The following CELF2 variants were observed in gnomAD, a reference collection of about 807,000 sequenced individuals.
The protein encoded by CELF2 is CUGBP Elav-like family member 2.
In CELF2, 8 loss-of-function variants were observed where a neutral mutation model predicts 62.6. The observed-to-expected ratio is 0.13, with a 90% confidence interval of 0.07 to 0.23. The LOEUF (loss-of-function observed/expected upper bound fraction) is 0.23. Among genes scored for constraint, CELF2 ranks in the 10% least tolerant of loss-of-function variants. The pLI, the probability that CELF2 is intolerant of heterozygous loss-of-function variation, is 1.00. For synonymous variants in CELF2, 258 were observed against 250.0 expected (o/e 1.03, Z -0.30); for missense variants, 333 against 671.0 (o/e 0.50, Z 5.56).
the CELF2 span, among the ~76,000 whole-genome samples, chr10:10,754,896 C>T: frequency 1.3e-5 from 2 of 152,242 alleles, no homozygotes; most frequent in South Asian, 2.1e-4. Context: ...CCATCGGCGT[C>T]AGTCAACGGA....
At chr10:10,707,637 T>C in the CELF2 span, among the ~76,000 whole-genome samples, 1 of 152,130 alleles carries the variant, frequency 6.6e-6, no homozygotes, top group Non-Finnish European at 1.5e-5. Context: ...AGTTTGTCAG[T>C]GCTGAAGCAG....
At chr10:11,222,612 C>G (rs577800612) in intron 3 of CELF2, among the ~76,000 whole-genome samples, 21 of 152,286 alleles carry the variant, frequency 1.4e-4, no homozygotes, top group Non-Finnish European at 1.0e-4. Context: ...GTTCTAGATA[C>G]CAGGGAATAC....
At chr10:10,900,651 G>C (rs1438933136) in intron 1 of CELF2, among the ~76,000 whole-genome samples, 1 of 152,018 alleles carries the variant, frequency 6.6e-6, no homozygotes. Context: ...TCAAGGTCAG[G>C]AACTAGACAG....
the CELF2 span, among the ~76,000 whole-genome samples, chr10:10,542,082 C>T: frequency 2.6e-5 from 4 of 152,290 alleles, no homozygotes; most frequent in African/African-American, 9.6e-5. Context: ...TGCAGGTCAA[C>T]CGAGATGGTA....
chr10:11,265,470 C>T (rs1032637818), intron 5 of CELF2, among the ~76,000 whole-genome samples: 2 of 152,236 alleles, frequency 1.3e-5, no homozygotes, highest in Non-Finnish European at 2.9e-5. Context: ...CTTTTAAAGT[C>T]ATTAGAGATC....
intron 9 of CELF2, among the ~76,000 whole-genome samples, chr10:11,295,944 A>C (rs190553552): frequency 1.3e-5 from 2 of 152,256 alleles, no homozygotes; most frequent in Admixed American, 6.5e-5. Context: ...AGTTGGTGCA[A>C]TGCCCCAACC....
chr10:10,690,228 T>A, the CELF2 span, among the ~76,000 whole-genome samples: 1 of 152,198 alleles, frequency 6.6e-6, no homozygotes. Flanking sequence ...CCTTTCCCTT[T>A]GTGACTGGTT....
At chr10:10,670,251 A>G in the CELF2 span, among the ~76,000 whole-genome samples, 3 of 152,140 alleles carry the variant, frequency 2.0e-5, no homozygotes, top group African/African-American at 7.2e-5. Context: ...TTGTTGAATT[A>G]AACTCAACTG....
Position 10,983,260 on chromosome 10 carries a change from A to G in CELF2, c.89+63261A>G, listed in dbSNP as rs2052360911. Among the ~76,000 whole-genome samples, 2 of 152,156 alleles carry G rather than the reference A, an allele frequency of 1.3e-5. No individual in the cohort carries two copies. Among genetic ancestry groups the G allele is most frequent in the African/African-American group, 4.8e-5 (2 of 41,440 alleles). On this transcript the variant is annotated intron_variant, in intron 2 of 13. Coordinates refer to the CELF2 transcript ENST00000636488. This position sits in a 1 kb window ranked among gnomAD's most constrained non-coding sequence, Gnocchi z 5.2. ...AAACATTTTTACTTAAATACCACACATGTCCACATAGCATTATTTATACAC... is the reference window on the plus strand; with the variant it reads ...AAACATTTTTACTTAAATACCACACGTGTCCACATAGCATTATTTATACAC...
upstream of CELF2, among the ~76,000 whole-genome samples, chr10:11,016,840 CACAT>C (rs2057323377): frequency 6.6e-6 from 1 of 152,198 alleles, no homozygotes; most frequent in Admixed American, 6.5e-5. This position sits in a 1 kb window ranked among gnomAD's most constrained non-coding sequence, Gnocchi z 5.2. Context: ...GCTGTATAGA[CACAT>C]ACATTACCCT....
At chr10:10,623,840 T>G in the CELF2 span, among the ~76,000 whole-genome samples, 1 of 152,206 alleles carries the variant, frequency 6.6e-6, no homozygotes, top group African/African-American at 2.4e-5. Context: ...TATACCCAAC[T>G]TACAGGTCAA....
At chr10:10,525,423 C>T in the CELF2 span, among the ~76,000 whole-genome samples, 1 of 152,086 alleles carries the variant, frequency 6.6e-6, no homozygotes, top group East Asian at 1.9e-4. Flanking sequence ...TTGCCCCAGG[C>T]AATTCTTCTT....
intron 3 of CELF2, among the ~76,000 whole-genome samples, chr10:11,232,195 A>G (rs753788301): frequency 4.6e-4 from 68 of 147,330 alleles, no homozygotes; most frequent in Admixed American, 4.7e-4. Flanking sequence ...TCCTGTGTCC[A>G]TGTGTTCTCA....
At chr10:11,272,644 A>T (rs765151932) in intron 7 of CELF2, among the ~76,000 whole-genome samples, 7 of 152,242 alleles carry the variant, frequency 4.6e-5, no homozygotes, top group Non-Finnish European at 7.3e-5. Flanking sequence ...TTATAGAAAC[A>T]TGTTTTTAGA....
the CELF2 span, among the ~76,000 whole-genome samples, chr10:10,462,615 C>CTTTTTTTTTTTTTTTTT: frequency 3.3e-4 from 23 of 69,420 alleles, 1 homozygote; most frequent in Admixed American, 6.3e-4. Flanking sequence ...TTTTTTTCAT[C>CTTTTTTTTTTTTTTTTT]TTTTTTTTTT....
chr10:10,547,475 A>T, the CELF2 span, among the ~76,000 whole-genome samples: 5 of 152,206 alleles, frequency 3.3e-5, no homozygotes, highest in African/African-American at 1.2e-4. Flanking sequence ...AGCAAAGCGC[A>T]CAAAAAGAAT....
At chr10:11,273,144 CT>C (rs2084488616) in intron 7 of CELF2, among the ~76,000 whole-genome samples, 1 of 152,020 alleles carries the variant, frequency 6.6e-6, no homozygotes, top group Non-Finnish European at 1.5e-5. Flanking sequence ...TTAGTATAAC[CT>C]GATAGTGTGA....
chr10:10,884,340 A>C (rs908613098), intron 1 of CELF2, among the ~76,000 whole-genome samples: 2 of 152,174 alleles, frequency 1.3e-5, no homozygotes, highest in African/African-American at 4.8e-5. Context: ...CCACTGTCAG[A>C]AGTGGTTTGG....
the CELF2 span, among the ~76,000 whole-genome samples, chr10:10,638,428 G>T: frequency 1.3e-5 from 2 of 152,104 alleles, no homozygotes; most frequent in East Asian, 1.9e-4. Context: ...TCACATAGTG[G>T]GATAATCAGA....
Sources: allele counts gnomAD v4.1 joint callset (sites outside exome capture counted in the v4.1 genomes callset), GRCh38; gene constraint gnomAD v4.1.1; non-coding constraint Gnocchi (gnomAD v3.1); transcripts MANE v1.5; gene names NCBI Gene and HGNC (gene_info 2026-07-23, HGNC 2026-07-21).